Variants in ZNF536 observed in about 807,000 individuals in gnomAD.
ZNF536 encodes zinc finger protein 536.
Under a neutral mutation model 84.5 loss-of-function variants are expected in ZNF536, and 13 were observed. The ratio of observed to expected loss-of-function variants is 0.15; its 90% CI spans 0.10 to 0.24. The LOEUF is 0.24. Ranked by LOEUF, ZNF536 falls within the 10% of genes least tolerant of loss-of-function variation. The pLI is 1.00. For synonymous variants in ZNF536, 811 were observed against 742.5 expected (o/e 1.09, Z -1.50); for missense variants, 1,536 against 1,747.5 (o/e 0.88, Z 2.16).
At chr19:30,296,166 T>A (rs2045990778) in intron 2 of ZNF536, 1 of 152,260 alleles carries the variant, frequency 6.6e-6, no homozygotes, top group Non-Finnish European at 1.5e-5. Flanking sequence ...GATGAGTATT[T>A]GATGCTACCT....
chr19:30,406,775 G>T (rs1332048429), intron 1 of ZNF536, among the ~76,000 whole-genome samples: 2 of 152,164 alleles, frequency 1.3e-5, no homozygotes, highest in African/African-American at 4.8e-5. Flanking sequence ...TAGCGGGTGT[G>T]CTCCTTTAAA....
intron 1 of ZNF536, among the ~76,000 whole-genome samples, chr19:30,636,870 C>T (rs988471163): frequency 6.6e-6 from 1 of 152,128 alleles, no homozygotes; most frequent in African/African-American, 2.4e-5. Flanking sequence ...TTCTCCTGTG[C>T]GTTCTGGCTA....
At chr19:30,357,291 T>C (rs1204527002) in intron 3 of ZNF536, among the ~76,000 whole-genome samples, 6 of 152,038 alleles carry the variant, frequency 3.9e-5, no homozygotes, top group South Asian at 2.1e-4. Context: ...GGGAAGAGCA[T>C]TGGAGCAGAA....
At chr19:30,376,876 C>T (rs868606365) in intron 1 of ZNF536, among the ~76,000 whole-genome samples, 1 of 152,208 alleles carries the variant, frequency 6.6e-6, no homozygotes, top group South Asian at 2.1e-4. Context: ...ACCTTACCTT[C>T]GGGTTCATTG....
intron 2 of ZNF536, among the ~76,000 whole-genome samples, chr19:30,317,213 C>A (rs911502217): frequency 1.6e-4 from 24 of 152,282 alleles, no homozygotes; most frequent in Admixed American, 6.5e-4. Flanking sequence ...TAGCTCCCCT[C>A]TCCCAGAAGA....
intron 2 of ZNF536, among the ~76,000 whole-genome samples, chr19:30,528,125 C>T (rs562114654): frequency 7.2e-5 from 11 of 152,240 alleles, no homozygotes; most frequent in Admixed American, 2.0e-4. Flanking sequence ...ATGCCATAAA[C>T]GTAGTAAGCG....
intron 1 of ZNF536, chr19:30,668,502 T>C (rs144344169): frequency 0.017 from 2,570 of 152,278 alleles, 30 homozygotes; most frequent in Middle Eastern, 0.038. Context: ...GTCCCTGCAG[T>C]CCCAAAGGAC....
intron 2 of ZNF536, among the ~76,000 whole-genome samples, chr19:30,497,726 A>C (rs959297269): frequency 6.6e-6 from 1 of 152,030 alleles, no homozygotes; most frequent in Non-Finnish European, 1.5e-5. Context: ...GATCACCTTC[A>C]TGTGTGTGTG....
intron 3 of ZNF536, among the ~76,000 whole-genome samples, chr19:30,356,755 C>T (rs990350554): frequency 6.6e-6 from 1 of 152,206 alleles, no homozygotes; most frequent in Admixed American, 6.5e-5. Context: ...CTCGCATGTG[C>T]ATTTCTTGAT....
intron 1 of ZNF536, among the ~76,000 whole-genome samples, chr19:30,606,393 A>G (rs926016603): frequency 1.3e-5 from 2 of 152,120 alleles, no homozygotes; most frequent in Admixed American, 6.5e-5. Flanking sequence ...TAGATGCTAC[A>G]TGCTTTCAGC....
rs3028497 is a variant in ZNF536, at chr19:30,630,400, CGTGTGTGTGTGTGT to C, written c.170-80340_170-80327del. ...AATCCTCATTCTCCAGGAAGTATCC[CGTGTGTGTGTGTGT>C]GTGTGTGTGTGTGTGTTTGTGTACC... On this transcript the variant is annotated intron_variant, in intron 1 of 1. Transcript: ENST00000592773. Among the ~76,000 whole-genome samples the C allele has an allele frequency of 6.7e-5, 10 of 150,006 alleles. No individual in the cohort carries two copies. In the South Asian group the frequency reaches 8.5e-4, roughly 13 times the overall value.
At chr19:30,653,425 G>A (rs2049784827) in intron 1 of ZNF536, among the ~76,000 whole-genome samples, 2 of 152,326 alleles carry the variant, frequency 1.3e-5, no homozygotes, top group Admixed American at 6.5e-5. Context: ...CTTGAAGAGT[G>A]GCCTGATGGC....
At chr19:30,386,408 A>G (rs761316629) in intron 1 of ZNF536, among the ~76,000 whole-genome samples, 1 of 151,768 alleles carries the variant, frequency 6.6e-6, no homozygotes, top group Non-Finnish European at 1.5e-5. Flanking sequence ...ATAGGGTCTC[A>G]CTCTGTCACC....
chr19:30,648,792 G>A (rs1350629335), intron 1 of ZNF536, among the ~76,000 whole-genome samples: 1 of 152,186 alleles, frequency 6.6e-6, no homozygotes, highest in Non-Finnish European at 1.5e-5. Context: ...GGGTCAAATA[G>A]CATGTTACTT....
chr19:30,656,546 A>G (rs1438649334), intron 1 of ZNF536, among the ~76,000 whole-genome samples: 1 of 152,158 alleles, frequency 6.6e-6, no homozygotes, highest in African/African-American at 2.4e-5. Context: ...TGTTGTGTGT[A>G]CAACCGGAGC....
intron 2 of ZNF536, among the ~76,000 whole-genome samples, chr19:30,328,568 C>T (rs1347753332): frequency 2.0e-5 from 3 of 152,170 alleles, no homozygotes; most frequent in Non-Finnish European, 4.4e-5. Flanking sequence ...GTCCACGTAG[C>T]CCTAACTAAT....
At chr19:30,565,405 G>C (rs972171560) in intron 1 of ZNF536, among the ~76,000 whole-genome samples, 2 of 152,058 alleles carry the variant, frequency 1.3e-5, no homozygotes, top group Non-Finnish European at 2.9e-5. Context: ...CCCCGGTGGG[G>C]GCCCACCCTC....
intron 2 of ZNF536, among the ~76,000 whole-genome samples, chr19:30,519,556 G>A (rs374347853): frequency 5.9e-5 from 9 of 152,296 alleles, no homozygotes; most frequent in African/African-American, 9.6e-5. Flanking sequence ...GATTCCCCAC[G>A]TCCAGCTTTC....
chr19:30,637,218 T>C (rs959547504), intron 1 of ZNF536, among the ~76,000 whole-genome samples: 2 of 152,230 alleles, frequency 1.3e-5, no homozygotes, highest in African/African-American at 4.8e-5. Context: ...AAACTGAAAC[T>C]GGAACCTTTC....
Sources: allele counts gnomAD v4.1 joint callset (sites outside exome capture counted in the v4.1 genomes callset), GRCh38; gene constraint gnomAD v4.1.1; transcripts MANE v1.5; gene names NCBI Gene and HGNC (gene_info 2026-07-23, HGNC 2026-07-21).